LARP1B: variants seen among roughly 807,000 people sequenced by gnomAD.
LARP1B encodes la-related protein 1B.
Under a neutral mutation model 114.2 loss-of-function variants are expected in LARP1B, and 76 were observed. The ratio of observed to expected loss-of-function variants is 0.67; its 90% CI spans 0.55 to 0.81. The LOEUF is 0.81. Among genes scored for constraint, LARP1B ranks in the 30% least tolerant of loss-of-function variants. LARP1B has a pLI of 0.00. For synonymous variants in LARP1B, 345 were observed against 348.0 expected (o/e 0.99, Z 0.10); for missense variants, 1,014 against 1,075.8 (o/e 0.94, Z 0.80).
intron 3 of LARP1B, 25 bp from the exon 4 acceptor site, chr4:128,077,763 T>C (rs1768584126): frequency 6.7e-7 from 1 of 1,495,590 alleles, no homozygotes; most frequent in Non-Finnish European, 8.9e-7. Context: ...ATGGAAATCA[T>C]TTCATTCTGA....
chr4:128,209,249 T>C (rs892853848), intron 19 of LARP1B, among the ~76,000 whole-genome samples: 10 of 152,086 alleles, frequency 6.6e-5, no homozygotes, highest in Admixed American at 3.9e-4. Flanking sequence ...TGAAACCCCG[T>C]CTCTACTAAA....
chr4:128,105,071 T>G (rs6851896), intron 8 of LARP1B, among the ~76,000 whole-genome samples: 95,060 of 151,260 alleles, frequency 0.63, 30,295 homozygotes, highest in Middle Eastern at 0.81. Context: ...AAGGAGTTTT[T>G]TTTTTGTTTT....
rs1405782267 is a variant in LARP1B at position 128,203,970 on chromosome 4, A to T, written c.2310-2458A>T. ...GTTAGTGGTAAATGAGTAAATGACA[A>T]CTGAGAAGGCTGATCATTTGCCTTT... On this transcript the variant is annotated intron_variant, in intron 17 of 19. Coordinates refer to ENST00000326639, the MANE Select transcript of LARP1B (RefSeq NM_018078.4). 2.0e-5 allele frequency among the ~76,000 whole-genome samples: 3 copies of T among 152,308 alleles called. No individual in the cohort carries two copies. The South Asian group carries it at 6.2e-4, about 32-fold the overall frequency.
chr4:128,197,971 G>A (rs187255573), intron 15 of LARP1B, among the ~76,000 whole-genome samples: 9 of 131,150 alleles, frequency 6.9e-5, no homozygotes, highest in Admixed American at 5.5e-4. Context: ...TGCAACCTCC[G>A]CTGCCCGGGT....
At chr4:128,107,869 T>TA in intron 9 of LARP1B, 1 of 1,535,978 alleles carries the variant, frequency 6.5e-7, no homozygotes, top group Non-Finnish European at 8.7e-7. Flanking sequence ...AATGTGTGCT[T>TA]AAACTTTTTT....
intron 15 of LARP1B, among the ~76,000 whole-genome samples, chr4:128,189,985 G>C (rs751045286): frequency 2.6e-5 from 4 of 152,164 alleles, no homozygotes; most frequent in Admixed American, 6.5e-5. Context: ...TACTGCATTA[G>C]AGCATTCTGA....
chr4:128,075,123 G>A, intron 3 of LARP1B, 130 bp downstream of exon 3: 1 of 666,382 alleles, frequency 1.5e-6, no homozygotes, highest in Non-Finnish European at 2.6e-6. Flanking sequence ...ATTTTTTTGA[G>A]ACAGGGTCTT....
chr4:128,208,408 C>T (rs960610662), intron 19 of LARP1B, among the ~76,000 whole-genome samples: 1 of 151,782 alleles, frequency 6.6e-6, no homozygotes, highest in African/African-American at 2.4e-5. Context: ...GGTTCATCAT[C>T]TCTGCTTTGT....
chr4:128,207,979 A>C (rs748593801), intron 19 of LARP1B, among the ~76,000 whole-genome samples: 8 of 152,264 alleles, frequency 5.3e-5, no homozygotes, highest in Non-Finnish European at 1.2e-4. Context: ...AAAGCATTAA[A>C]AAATGTCACG....
chr4:128,209,613 A>C (rs770284338), intron 19 of LARP1B, among the ~76,000 whole-genome samples: 1 of 151,916 alleles, frequency 6.6e-6, no homozygotes, highest in Non-Finnish European at 1.5e-5. Context: ...TGTTATACTA[A>C]TACAATCTGT....
intron 11 of LARP1B, among the ~76,000 whole-genome samples, chr4:128,153,070 C>T (rs149963109): frequency 0.026 from 3,832 of 147,912 alleles, 155 homozygotes; most frequent in African/African-American, 0.091. Flanking sequence ...GCAACCTCCA[C>T]CTCCTGGGTT....
chr4:128,179,552 T>C, intron 15 of LARP1B, 40 bp downstream of exon 15: 1 of 1,326,444 alleles, frequency 7.5e-7, no homozygotes, highest in Non-Finnish European at 1.1e-6. Context: ...GTTCGTGATT[T>C]GAAGTTTTTT....
chr4:128,081,378 C>CTT (rs35763535), intron 4 of LARP1B, among the ~76,000 whole-genome samples: 85 of 110,654 alleles, frequency 7.7e-4, no homozygotes, highest in African/African-American at 2.5e-3. Flanking sequence ...TGCGCCCGGC[C>CTT]TTTTTTTTTT....
At chr4:128,151,439 C>T (rs1732737505) in intron 11 of LARP1B, among the ~76,000 whole-genome samples, 1 of 152,006 alleles carries the variant, frequency 6.6e-6, no homozygotes, top group African/African-American at 2.4e-5. Flanking sequence ...TCACACATTG[C>T]CTTGAGAGTC....
chr4:128,098,395 T>G, intron 8 of LARP1B, 65 bp downstream of exon 8: 1 of 1,390,046 alleles, frequency 7.2e-7, no homozygotes, highest in South Asian at 1.3e-5. Context: ...CTAAAACTTC[T>G]CTGAAAAACA....
At chr4:128,076,559 C>G (rs1228072555) in intron 3 of LARP1B, among the ~76,000 whole-genome samples, 3 of 152,120 alleles carry the variant, frequency 2.0e-5, no homozygotes, top group Non-Finnish European at 4.4e-5. Flanking sequence ...ACAAATAAAA[C>G]TGCTATATGA....
At chr4:128,145,847 A>T (rs1232625355) in intron 11 of LARP1B, among the ~76,000 whole-genome samples, 1 of 152,188 alleles carries the variant, frequency 6.6e-6, no homozygotes, top group Non-Finnish European at 1.5e-5. Flanking sequence ...GGTTATTTAC[A>T]TTAGGAGGCA....
At chr4:128,177,039 C>G (rs996076320) in intron 13 of LARP1B, 132 bp downstream of exon 13, 25 of 806,938 alleles carry the variant, frequency 3.1e-5, no homozygotes, top group African/African-American at 2.9e-4. Context: ...ACAGGACTGA[C>G]AGTTTGGTGC....
In LARP1B at chr4:128,210,815, TATAAAC is replaced by T; in HGVS notation, c.*763_*768del. The T allele has an allele frequency of 1.0e-6, 1 of 983,536 alleles. No homozygotes were observed. Among genetic ancestry groups the T allele is most frequent in the Non-Finnish European group, 1.2e-6 (1 of 828,294 alleles). 60.9% of individuals were successfully genotyped at this position (983,536 alleles called of 1,614,324 possible). A position where few individuals can be genotyped will look rare whatever the true frequency, so the allele number is the denominator to read the frequency against. ...TTAGAGGTTTATTTTTATGATTCTATATAAACGTGCACGAGTAATTTAAAACCTGCA... is the reference window on the plus strand; with the variant it reads ...TTAGAGGTTTATTTTTATGATTCTATGTGCACGAGTAATTTAAAACCTGCA... On this transcript the variant is annotated 3_prime_UTR_variant, in exon 20 of 20. Coordinates refer to ENST00000326639, the MANE Select transcript of LARP1B (RefSeq NM_018078.4).
Sources: gnomAD v4.1 joint callset for allele counts (sites outside exome capture counted in the v4.1 genomes callset) on GRCh38, gnomAD v4.1.1 for gene constraint, MANE v1.5 for transcripts, NCBI Gene and HGNC (gene_info 2026-07-23, HGNC 2026-07-21) for gene names.